TPRG1: variants seen among roughly 807,000 people sequenced by gnomAD.
TPRG1 encodes tumor protein p63 regulated 1.
Under a neutral mutation model 29.3 loss-of-function variants are expected in TPRG1, and 29 were observed. That is an observed-to-expected ratio of 0.99 (90% CI 0.74 to 1.35). The LOEUF is 1.35. Ranked by LOEUF, TPRG1 falls within the 40% of genes most tolerant of loss-of-function variation. TPRG1 has a pLI of 0.00. For missense variants in TPRG1, 327 were observed against 335.0 expected (o/e 0.98, Z 0.19); for synonymous variants, 130 against 116.8 (o/e 1.11, Z -0.73).
At chr3:189,098,342 G>T (rs772359436), upstream of TPRG1, among the ~76,000 whole-genome samples, 1 of 152,178 alleles carries the variant, frequency 6.6e-6, no homozygotes, top group African/African-American at 2.4e-5. Context: ...TGGTAGGAGA[G>T]CATGATGTCA....
At chr3:189,292,598 C>T (rs952184301) in intron 4 of TPRG1, among the ~76,000 whole-genome samples, 5 of 152,132 alleles carry the variant, frequency 3.3e-5, no homozygotes, top group Admixed American at 2.6e-4. Flanking sequence ...TGGCTACCAC[C>T]ACTCTTACCT....
At chr3:189,020,017 C>T (rs570749462) in intron 3 of TPRG1, among the ~76,000 whole-genome samples, 16 of 151,772 alleles carry the variant, frequency 1.1e-4, no homozygotes, top group Admixed American at 4.6e-4. Flanking sequence ...AGTTTATTTG[C>T]GTAGAGGTGT....
intron 4 of TPRG1, among the ~76,000 whole-genome samples, chr3:189,272,710 T>C (rs1345369818): frequency 7.4e-6 from 1 of 135,028 alleles, no homozygotes; most frequent in Non-Finnish European, 1.6e-5. Context: ...TCTTTCTTTC[T>C]TTCTCCTTCC....
chr3:189,175,666 T>G (rs933935332), intron 1 of TPRG1, among the ~76,000 whole-genome samples: 8 of 152,336 alleles, frequency 5.3e-5, no homozygotes, highest in African/African-American at 1.9e-4. Context: ...AGCACTTACA[T>G]GAATACAATA....
At chr3:189,181,756 G>C (rs1730253300) in intron 1 of TPRG1, among the ~76,000 whole-genome samples, 1 of 152,144 alleles carries the variant, frequency 6.6e-6, no homozygotes, top group South Asian at 2.1e-4. Flanking sequence ...TTCCAAAGTT[G>C]CTTCCACATT....
chr3:189,191,540 G>T (rs1013540092), intron 1 of TPRG1, among the ~76,000 whole-genome samples: 1 of 152,156 alleles, frequency 6.6e-6, no homozygotes, highest in Non-Finnish European at 1.5e-5. Context: ...CCTAACCCAG[G>T]TGGAGTGGAA....
chr3:189,148,529 G>A (rs1725542098), intron 4 of TPRG1, among the ~76,000 whole-genome samples: 1 of 152,190 alleles, frequency 6.6e-6, no homozygotes, highest in Non-Finnish European at 1.5e-5. Context: ...TTTTAAACAA[G>A]GGGCACATCA....
intron 4 of TPRG1, among the ~76,000 whole-genome samples, chr3:189,299,963 C>T (rs1720580644): frequency 6.6e-6 from 1 of 152,078 alleles, no homozygotes; most frequent in Non-Finnish European, 1.5e-5. Flanking sequence ...ATTTGGTAGG[C>T]AACTGGAAGC....
intron 2 of TPRG1, among the ~76,000 whole-genome samples, chr3:189,210,190 A>G (rs1263095830): frequency 6.6e-6 from 1 of 152,200 alleles, no homozygotes; most frequent in Non-Finnish European, 1.5e-5. Flanking sequence ...AGTATAGATA[A>G]AACGCCATTT....
rs752571420 is a variant in TPRG1 at position 189,324,324 on chromosome 3, GA to G, written c.*3507del. On this transcript the variant is annotated 3_prime_UTR_variant, in exon 6 of 6. Coordinates refer to ENST00000345063, the MANE Select transcript of TPRG1 (RefSeq NM_198485.4). The stretch of plus-strand genomic sequence containing the variant: ...TCAAAAAGAAGATGGTGAACTTTTG[GA>G]AATACTGAGATTAGACTACATTTTC... 1.6e-4 allele frequency: 25 copies of G among 152,048 alleles called. No individual in the cohort carries two copies. Among genetic ancestry groups the G allele is most frequent in the Non-Finnish European group, 3.2e-4 (22 of 68,012 alleles). The allele number at this position is 152,048 out of a possible 1,614,324, so 9.4% of individuals were successfully genotyped here. A position where few individuals can be genotyped will look rare whatever the true frequency, so the allele number is the denominator to read the frequency against.
upstream of TPRG1, among the ~76,000 whole-genome samples, chr3:189,097,034 C>T (rs1222451092): frequency 6.6e-6 from 1 of 152,130 alleles, no homozygotes; most frequent in East Asian, 1.9e-4. Context: ...GTGCATCTTG[C>T]ATTTTAAATG....
At chr3:189,029,843 T>C (rs1713844443) in intron 4 of TPRG1, among the ~76,000 whole-genome samples, 2 of 152,144 alleles carry the variant, frequency 1.3e-5, no homozygotes, top group African/African-American at 4.8e-5. Context: ...CAGCTCTCTT[T>C]CTCTTGCTCT....
chr3:189,251,735 C>T (rs1428836674), intron 4 of TPRG1, among the ~76,000 whole-genome samples: 1 of 152,188 alleles, frequency 6.6e-6, no homozygotes, highest in African/African-American at 2.4e-5. Flanking sequence ...TATTGTTGCC[C>T]GCATGTCCCA....
chr3:189,251,886 C>T lies in TPRG1; in HGVS notation c.479+12977C>T, dbSNP rs185902198. On this transcript the variant is annotated intron_variant, in intron 4 of 5. Coordinates refer to ENST00000345063, the MANE Select transcript of TPRG1 (RefSeq NM_198485.4). ...CTCAACTGCAAAGAGGCATGCCTTCCTCTTATACTAATCCTCCTCAGCACA... is the reference window on the plus strand; with the variant it reads ...CTCAACTGCAAAGAGGCATGCCTTCTTCTTATACTAATCCTCCTCAGCACA... 1.3e-3 allele frequency among the ~76,000 whole-genome samples: 202 copies of T among 152,298 alleles called. 1 individual carries two copies. Among genetic ancestry groups the T allele is most frequent in the African/African-American group, 4.4e-3 (182 of 41,566 alleles).
chr3:189,156,956 C>T (rs148677183), intron 5 of TPRG1, among the ~76,000 whole-genome samples: 2 of 152,292 alleles, frequency 1.3e-5, no homozygotes, highest in African/African-American at 2.4e-5. Flanking sequence ...TAGTCCCCAA[C>T]GACCATAGTG....
At chr3:189,168,204 G>A (rs780828358), upstream of TPRG1, among the ~76,000 whole-genome samples, 1 of 152,134 alleles carries the variant, frequency 6.6e-6, no homozygotes, top group Non-Finnish European at 1.5e-5. Flanking sequence ...TGTGTATGTG[G>A]CAAAACAAAA....
intron 3 of TPRG1, among the ~76,000 whole-genome samples, chr3:189,021,353 T>A (rs1021432488): frequency 1.3e-5 from 2 of 152,056 alleles, no homozygotes; most frequent in African/African-American, 4.8e-5. Flanking sequence ...TTGGCATGAT[T>A]TTGCAGCGGC....
At position 189,184,307 on chromosome 3, in the gene TPRG1, G is replaced by A. The variant is rs79058207; in HGVS notation, c.-10+12176G>A. Among the ~76,000 whole-genome samples the A allele has an allele frequency of 5.8e-3, 883 of 152,284 alleles. 10 individuals are homozygous for A. The highest frequency in any genetic ancestry group is 0.019 in the African/African-American group (778 of 41,566). On this transcript the variant is annotated intron_variant, in intron 1 of 5. Transcript: ENST00000345063. ...TGAGCCAATGCAGATAAAACCATGTGCATAGCACATGCAAGTGCTTCATAA... is the reference window on the plus strand; with the variant it reads ...TGAGCCAATGCAGATAAAACCATGTACATAGCACATGCAAGTGCTTCATAA...
intron 1 of TPRG1, among the ~76,000 whole-genome samples, chr3:189,107,067 C>G (rs1413025626): frequency 1.3e-5 from 2 of 151,392 alleles, no homozygotes; most frequent in African/African-American, 4.9e-5. Flanking sequence ...AATACAATAC[C>G]CTGACTTTTT....
Sources: gnomAD v4.1 joint callset for allele counts (sites outside exome capture counted in the v4.1 genomes callset) on GRCh38, gnomAD v4.1.1 for gene constraint, MANE v1.5 for transcripts, NCBI Gene and HGNC (gene_info 2026-07-23, HGNC 2026-07-21) for gene names.